Variants in CNTNAP5 observed in about 807,000 individuals in gnomAD.
CNTNAP5 encodes contactin associated protein family member 5.
CNTNAP5 carries 72 observed loss-of-function variants against 150.2 expected under a neutral mutation model. The observed-to-expected ratio is 0.48, with a 90% CI of 0.40 to 0.58. The LOEUF is 0.58. Among genes scored for constraint, CNTNAP5 ranks in the 20% least tolerant of loss-of-function variants. The probability of loss-of-function intolerance (pLI) is 0.00; values close to 1 mark genes in which losing one functional copy is unlikely to be tolerated. For synonymous variants in CNTNAP5, 672 were observed against 619.8 expected (o/e 1.08, Z -1.25); for missense variants, 1,636 against 1,626.2 (o/e 1.01, Z -0.10).
At chr2:124,472,774 C>G (rs1298684745) in intron 6 of CNTNAP5, among the ~76,000 whole-genome samples, 1 of 151,408 alleles carries the variant, frequency 6.6e-6, no homozygotes, top group African/African-American at 2.4e-5. Context: ...AATATATATG[C>G]CTCAATTTAA....
chr2:124,265,438 G>A (rs752301534), intron 3 of CNTNAP5, among the ~76,000 whole-genome samples: 2 of 151,954 alleles, frequency 1.3e-5, no homozygotes, highest in Non-Finnish European at 2.9e-5. Context: ...GGTGCAAATC[G>A]CCACTTTAAC....
intron 10 of CNTNAP5, among the ~76,000 whole-genome samples, chr2:124,560,257 C>T (rs900541635): frequency 6.6e-6 from 1 of 152,114 alleles, no homozygotes; most frequent in Non-Finnish European, 1.5e-5. Flanking sequence ...CCTCTAATCC[C>T]AGCACTTTGA....
intron 3 of CNTNAP5, among the ~76,000 whole-genome samples, chr2:124,321,632 T>G (rs1354404959): frequency 6.6e-6 from 1 of 152,098 alleles, no homozygotes; most frequent in Non-Finnish European, 1.5e-5. Context: ...AACAAAAATG[T>G]TTTAATAGAC....
At chr2:124,281,868 A>G (rs1301960944) in intron 3 of CNTNAP5, among the ~76,000 whole-genome samples, 1 of 152,158 alleles carries the variant, frequency 6.6e-6, no homozygotes, top group Non-Finnish European at 1.5e-5. Context: ...TCTTTCTGTA[A>G]CTAACCCAAG....
At chr2:124,367,469 C>A (rs888026562) in intron 3 of CNTNAP5, among the ~76,000 whole-genome samples, 2 of 152,166 alleles carry the variant, frequency 1.3e-5, no homozygotes, top group African/African-American at 4.8e-5. Context: ...TAGGTAACCA[C>A]CCCCATGATT....
At position 124,742,647 on chromosome 2, in the gene CNTNAP5, CACACAT is replaced by C. The variant is rs200005941; in HGVS notation, c.2078-4580_2078-4575del. On this transcript the variant is annotated intron_variant, in intron 13 of 23. Coordinates refer to ENST00000682447, the MANE Select transcript of CNTNAP5 (RefSeq NM_001367498.1). ...ACAGACACACACACACACACACACA[CACACAT>C]ATATATATATATGTAATTTGAGTTT... 1.3e-3 allele frequency among the ~76,000 whole-genome samples: 187 copies of C among 149,268 alleles called. 2 individuals carry two copies. The highest frequency in any genetic ancestry group is 4.3e-3 in the African/African-American group (172 of 40,470).
At chr2:124,884,625 G>C (rs952291003) in intron 21 of CNTNAP5, among the ~76,000 whole-genome samples, 2 of 151,890 alleles carry the variant, frequency 1.3e-5, no homozygotes, top group Non-Finnish European at 2.9e-5. Context: ...TCTTGGGACA[G>C]GCACATTTCC....
At chr2:124,744,258 A>G (rs528956254) in intron 13 of CNTNAP5, among the ~76,000 whole-genome samples, 1 of 151,926 alleles carries the variant, frequency 6.6e-6, no homozygotes, top group Non-Finnish European at 1.5e-5. Flanking sequence ...TAAGGGGTTT[A>G]CCCTTTCACT....
chr2:124,617,390 C>T (rs1313879857), intron 12 of CNTNAP5, among the ~76,000 whole-genome samples: 1 of 152,114 alleles, frequency 6.6e-6, no homozygotes, highest in Admixed American at 6.5e-5. Context: ...GGGTGAATCT[C>T]TTCTTGCCAC....
chr2:124,826,413 TAA>T (rs895709359), intron 19 of CNTNAP5, among the ~76,000 whole-genome samples: 29 of 151,818 alleles, frequency 1.9e-4, no homozygotes, highest in Admixed American at 1.4e-3. Flanking sequence ...GAGTGGGAGG[TAA>T]AGAGAGAAGG....
chr2:124,741,222 A>G (rs1310504173), intron 13 of CNTNAP5, among the ~76,000 whole-genome samples: 1 of 152,314 alleles, frequency 6.6e-6, no homozygotes, highest in Non-Finnish European at 1.5e-5. Flanking sequence ...CACAAAGGCA[A>G]CAACAGCTCA....
chr2:124,510,245 C>CTATATCTATATCTATATATCTA (rs1694527318), intron 8 of CNTNAP5, among the ~76,000 whole-genome samples: 1 of 69,198 alleles, frequency 1.4e-5, no homozygotes, highest in African/African-American at 5.4e-5. Flanking sequence ...ATCTATATAT[C>CTATATCTATATCTATATATCTA]TATATCTATA....
intron 7 of CNTNAP5, among the ~76,000 whole-genome samples, chr2:124,495,987 T>C (rs180884846): frequency 9.2e-5 from 14 of 152,128 alleles, no homozygotes; most frequent in Admixed American, 9.2e-4. Context: ...CACTTGGTCA[T>C]AGCTGTGATG....
chr2:124,447,927 T>C (rs767009215), intron 6 of CNTNAP5, among the ~76,000 whole-genome samples: 5 of 152,136 alleles, frequency 3.3e-5, no homozygotes, highest in African/African-American at 7.2e-5. Context: ...GTTTCAAGTG[T>C]TAGATTTTCA....
chr2:124,169,596 C>T (rs1388199724), intron 1 of CNTNAP5, among the ~76,000 whole-genome samples: 1 of 152,142 alleles, frequency 6.6e-6, no homozygotes, highest in African/African-American at 2.4e-5. Flanking sequence ...GGTGCACTTC[C>T]AGCAAAACCC....
chr2:124,299,224 C>A (rs892225932), intron 3 of CNTNAP5, among the ~76,000 whole-genome samples: 4 of 152,280 alleles, frequency 2.6e-5, no homozygotes, highest in East Asian at 1.9e-4. Flanking sequence ...GTGGCTCCCC[C>A]ACAGTGTGCA....
At chr2:124,460,937 A>G (rs944800769) in intron 6 of CNTNAP5, among the ~76,000 whole-genome samples, 4 of 152,222 alleles carry the variant, frequency 2.6e-5, no homozygotes, top group African/African-American at 9.6e-5. Flanking sequence ...ACTGAAAAAA[A>G]TAAAGAAAAA....
intron 3 of CNTNAP5, among the ~76,000 whole-genome samples, chr2:124,324,777 A>C (rs1689176713): frequency 1.3e-5 from 2 of 152,194 alleles, no homozygotes; most frequent in Non-Finnish European, 2.9e-5. Flanking sequence ...AGGAGAACTC[A>C]GGGAAGAGAA....
intron 3 of CNTNAP5, among the ~76,000 whole-genome samples, chr2:124,269,913 T>A (rs1435768661): frequency 6.6e-6 from 1 of 152,196 alleles, no homozygotes; most frequent in East Asian, 1.9e-4. Context: ...CAGATCGATA[T>A]CCCACTTACT....
Sources: allele counts gnomAD v4.1 joint callset (sites outside exome capture counted in the v4.1 genomes callset), GRCh38; gene constraint gnomAD v4.1.1; transcripts MANE v1.5; gene names NCBI Gene and HGNC (gene_info 2026-07-23, HGNC 2026-07-21).